The following AAK1 variants were observed in gnomAD, a reference collection of about 807,000 sequenced individuals.
AAK1 encodes AP2 associated kinase 1.
AAK1 carries 37 observed loss-of-function variants against 116.0 expected under a neutral mutation model. That is an observed-to-expected ratio of 0.32 (90% CI 0.25 to 0.42). AAK1 has a LOEUF of 0.42. AAK1 is among the 10% of genes least tolerant of loss of function. AAK1 has a pLI of 1.00. For synonymous variants in AAK1, 458 were observed against 439.9 expected, an observed-to-expected ratio of 1.04 and a Z score of -0.51; for missense variants, 919 against 1,170.6, an observed-to-expected ratio of 0.79 and a Z score of 3.14.
chr2:69,530,355 A>C (rs1670201682), intron 7 of AAK1, among the ~76,000 whole-genome samples: 1 of 152,262 alleles, frequency 6.6e-6, no homozygotes. Context: ...TCCAGTAAAT[A>C]ATAAGTATTT....
intron 16 of AAK1, among the ~76,000 whole-genome samples, chr2:69,503,177 A>T (rs1177808038): frequency 1.3e-5 from 2 of 152,222 alleles, no homozygotes; most frequent in Non-Finnish European, 2.9e-5. Flanking sequence ...AAATATCCAG[A>T]TAATAAGAAT....
chr2:69,479,175 A>C (rs745678052), intron 19 of AAK1, 114 bp from the exon 20 acceptor site: 1 of 720,374 alleles, frequency 1.4e-6, no homozygotes, highest in African/African-American at 1.8e-5. Flanking sequence ...GTTACACATA[A>C]AAGCCAAAGC....
chr2:69,598,968 C>A, intron 2 of AAK1: 2 of 424,338 alleles, frequency 4.7e-6, no homozygotes, highest in Non-Finnish European at 4.7e-6. Flanking sequence ...CACATTCTAC[C>A]AAAAGCCTAG....
In AAK1 at chr2:69,568,425, CTT is replaced by C. The variant is rs61271799; in HGVS notation, c.164-11449_164-11448del. Among the ~76,000 whole-genome samples the C allele has an allele frequency of 2.9e-3, 356 of 122,144 alleles. 1 individual carries two copies. The highest frequency in any genetic ancestry group is 8.5e-3 in the African/African-American group (278 of 32,630). 80.1% of individuals were successfully genotyped at this position (122,144 alleles called of 152,430 possible). A position where few individuals can be genotyped will look rare whatever the true frequency, so the allele number is the denominator to read the frequency against. On this transcript the variant is annotated intron_variant, in intron 2 of 21. Transcript: ENST00000409085. ...ATCAAAGGTATATAAATGTTTTCAACTTTTTTTTTTTTTTTTTTTTTTTAAGA... is the reference window on the plus strand; with the variant it reads ...ATCAAAGGTATATAAATGTTTTCAACTTTTTTTTTTTTTTTTTTTTTAAGA...
At chr2:69,539,807 C>G (rs1670626901) in intron 5 of AAK1, among the ~76,000 whole-genome samples, 1 of 152,160 alleles carries the variant, frequency 6.6e-6, no homozygotes, top group African/African-American at 2.4e-5. Context: ...TCTGTGACCA[C>G]TTACTTCCTA....
chr2:69,575,856 G>C (rs1205738168), intron 2 of AAK1, among the ~76,000 whole-genome samples: 2 of 152,142 alleles, frequency 1.3e-5, no homozygotes, highest in African/African-American at 4.8e-5. Flanking sequence ...GCTGGGCTCA[G>C]CACAGTTACT....
intron 3 of AAK1, among the ~76,000 whole-genome samples, chr2:69,556,514 G>A (rs1558958959): frequency 6.6e-6 from 1 of 152,158 alleles, no homozygotes; most frequent in Non-Finnish European, 1.5e-5. Context: ...GAGAGAGAGA[G>A]ACAAGACCAG....
At chr2:69,535,942 T>C (rs1273046563) in intron 5 of AAK1, among the ~76,000 whole-genome samples, 1 of 152,162 alleles carries the variant, frequency 6.6e-6, no homozygotes, top group African/African-American at 2.4e-5. Flanking sequence ...ATAATAACAG[T>C]AGCAACTAAC....
rs545022271 is a variant in AAK1, at chr2:69,607,501, A to G, written c.163+35377T>C. Among the ~76,000 whole-genome samples, 3 of 152,316 alleles carry G rather than the reference A, an allele frequency of 2.0e-5. No homozygotes were observed. In the East Asian group the frequency reaches 5.8e-4, roughly 29 times the overall value. On this transcript the variant is annotated intron_variant, in intron 2 of 21. Coordinates refer to ENST00000409085, the MANE Select transcript of AAK1 (RefSeq NM_014911.5). The stretch of plus-strand genomic sequence containing the variant: ...TTGGTTACTCTCTCTGACTCCCACA[A>G]GCCCCCAAAATGGTACTCAGGAATA...
chr2:69,531,139 G>A (rs529906980), intron 6 of AAK1, among the ~76,000 whole-genome samples: 42 of 152,320 alleles, frequency 2.8e-4, no homozygotes, highest in Middle Eastern at 3.4e-3. Context: ...CCTGGCTGGG[G>A]TGAGGAGTGG....
chr2:69,497,729 A>G (rs1675805174), intron 16 of AAK1, among the ~76,000 whole-genome samples: 1 of 152,132 alleles, frequency 6.6e-6, no homozygotes, highest in Non-Finnish European at 1.5e-5. Flanking sequence ...GGGTTTTTAA[A>G]AAACGTTTTA....
intron 2 of AAK1, among the ~76,000 whole-genome samples, chr2:69,569,182 C>A (rs570718838): frequency 4.6e-5 from 7 of 152,302 alleles, no homozygotes; most frequent in South Asian, 2.1e-4. Context: ...GTCCAAATTC[C>A]TTAATGCAGC....
In AAK1 at chr2:69,480,785, G is replaced by A. The variant is rs992622147; in HGVS notation, c.2569+75C>T. On this transcript the variant is annotated intron_variant, in intron 19 of 21. Transcript: ENST00000409085. ...CTTCAAAATAAGCCCAGGAACGACT[G>A]AGCCAGGTGAAAAGACTGGCTCAGA... 4.6e-6 allele frequency: 6 copies of A among 1,299,860 alleles called. No homozygotes were observed. The African/African-American group carries it at 7.5e-5, about 16-fold the overall frequency. The allele number at this position is 1,299,860 out of a possible 1,614,324, so 80.5% of individuals were successfully genotyped here. A position where few individuals can be genotyped will look rare whatever the true frequency, so the allele number is the denominator to read the frequency against.
intron 2 of AAK1, among the ~76,000 whole-genome samples, chr2:69,619,372 T>C (rs1674484914): frequency 1.3e-5 from 2 of 152,144 alleles, no homozygotes; most frequent in African/African-American, 4.8e-5. Context: ...AACTTATCTA[T>C]ATCCATACAG....
At chr2:69,486,623 T>C (rs1315074385) in intron 17 of AAK1, among the ~76,000 whole-genome samples, 2 of 152,184 alleles carry the variant, frequency 1.3e-5, no homozygotes, top group African/African-American at 2.4e-5. Context: ...AGTGACTCAG[T>C]TGGCCTCCAG....
intron 13 of AAK1, among the ~76,000 whole-genome samples, chr2:69,513,463 G>A (rs1390632943): frequency 5.9e-5 from 9 of 152,092 alleles, no homozygotes; most frequent in African/African-American, 2.2e-4. Flanking sequence ...GGGACTATAG[G>A]TGCCTGCCAC....
At chr2:69,481,046 CTT>C in intron 18 of AAK1, 85 bp from the exon 19 acceptor site, 1 of 1,150,490 alleles carries the variant, frequency 8.7e-7, no homozygotes, top group Non-Finnish European at 1.2e-6. Flanking sequence ...AAGCTTTCTT[CTT>C]TTTTTTTAAT....
rs909519483 is a variant in AAK1 at position 69,482,907 on chromosome 2, G to A, written c.2366-95C>T. On this transcript the variant is annotated intron_variant, in intron 17 of 21. Coordinates refer to ENST00000409085, the MANE Select transcript of AAK1 (RefSeq NM_014911.5). ...TATTCTTTAAGCAAACACATTTTAG[G>A]GGTCAATATTTGGTACAGGTTCACC... is the stretch of plus-strand genomic sequence containing the variant. 43 of 725,262 alleles carry A rather than the reference G, an allele frequency of 5.9e-5. No individual in the cohort carries two copies. In the Middle Eastern group the frequency reaches 1.1e-3, roughly 19 times the overall value. 44.9% of individuals were successfully genotyped at this position (725,262 alleles called of 1,614,324 possible). A position where few individuals can be genotyped will look rare whatever the true frequency, so the allele number is the denominator to read the frequency against.
At chr2:69,576,120 C>T (rs980103792) in intron 2 of AAK1, among the ~76,000 whole-genome samples, 4 of 152,112 alleles carry the variant, frequency 2.6e-5, no homozygotes, top group Non-Finnish European at 4.4e-5. Flanking sequence ...CTCTCTCAGG[C>T]CCTGCCAGAC....
Sources: gnomAD v4.1 joint callset for allele counts (sites outside exome capture counted in the v4.1 genomes callset) on GRCh38, gnomAD v4.1.1 for gene constraint, MANE v1.5 for transcripts, NCBI Gene and HGNC (gene_info 2026-07-23, HGNC 2026-07-21) for gene names.